The following ATP9B variants were observed in gnomAD, a reference collection of about 807,000 sequenced individuals.
ATP9B encodes the protein probable phospholipid-transporting ATPase IIB.
In ATP9B, 110 loss-of-function variants were observed where a neutral mutation model predicts 146.1. That is an observed-to-expected ratio of 0.75 (90% confidence interval 0.65 to 0.88). The LOEUF (loss-of-function observed/expected upper bound fraction) is 0.88, where lower values mean the gene tolerates loss of function less well. ATP9B is among the 40% of genes least tolerant of loss of function. The pLI is 0.00. For synonymous variants in ATP9B, 604 were observed against 569.7 expected (o/e 1.06, Z -0.86); for missense variants, 1,499 against 1,496.4 (o/e 1.00, Z -0.03).
chr18:79,172,984 A>T (rs1169110163), intron 7 of ATP9B, among the ~76,000 whole-genome samples: 1 of 152,142 alleles, frequency 6.6e-6, no homozygotes, highest in African/African-American at 2.4e-5. Context: ...TTTGTTTTAC[A>T]TTCCCACCAG....
rs113628470 is a variant in ATP9B at position 79,359,494 on chromosome 18, G to A, written c.3012+32G>A. ...GCCTCAGGCAAGCTGTCTGCCTCAC[G>A]ACTAGCACCCACATCTAGCATTTTA... On this transcript the variant is annotated intron_variant, in intron 26 of 29. Transcript: ENST00000426216. 2,011 of 1,501,524 alleles carry A rather than the reference G, an allele frequency of 1.3e-3. 12 individuals are homozygous for A. In the African/African-American group the frequency reaches 0.023, roughly 17 times the overall value. The allele number at this position is 1,501,524 out of a possible 1,614,324, so 93.0% of individuals were successfully genotyped here.
chr18:79,128,248 C>T (rs1014338389), intron 5 of ATP9B, among the ~76,000 whole-genome samples: 15 of 151,750 alleles, frequency 9.9e-5, no homozygotes, highest in African/African-American at 2.7e-4. Flanking sequence ...TTAGTCGATA[C>T]GGGGTTTCAC....
chr18:79,204,505 T>C (rs2095517038), intron 9 of ATP9B, among the ~76,000 whole-genome samples: 1 of 152,248 alleles, frequency 6.6e-6, no homozygotes, highest in Non-Finnish European at 1.5e-5. Flanking sequence ...TCTCAGGTTT[T>C]CCACTTAAAA....
intron 26 of ATP9B, among the ~76,000 whole-genome samples, chr18:79,371,942 C>T (rs943404746): frequency 2.0e-5 from 3 of 152,244 alleles, no homozygotes; most frequent in South Asian, 2.1e-4. Flanking sequence ...CGGAACTTCT[C>T]GAGTCTCCTC....
At chr18:79,097,206 C>T (rs1311503362) in intron 2 of ATP9B, among the ~76,000 whole-genome samples, 2 of 151,166 alleles carry the variant, frequency 1.3e-5, no homozygotes, top group East Asian at 3.9e-4. Flanking sequence ...ATAGCTAATG[C>T]ATGATAGAAT....
intron 14 of ATP9B, among the ~76,000 whole-genome samples, chr18:79,306,109 C>T (rs573914030): frequency 6.6e-6 from 1 of 152,320 alleles, no homozygotes; most frequent in East Asian, 1.9e-4. Context: ...CTTCATTAGA[C>T]AGCACTGTAA....
intron 2 of ATP9B, among the ~76,000 whole-genome samples, chr18:79,107,143 G>A (rs991103274): frequency 1.3e-5 from 2 of 152,166 alleles, no homozygotes; most frequent in Admixed American, 6.5e-5. Flanking sequence ...AAATGCTGAA[G>A]AGAAATGTGC....
chr18:79,104,343 G>A (rs1230372068), intron 2 of ATP9B, among the ~76,000 whole-genome samples: 2 of 152,132 alleles, frequency 1.3e-5, no homozygotes, highest in East Asian at 3.8e-4. Context: ...GGCACTGATG[G>A]GTGCAGTGCT....
chr18:79,291,739 A>G (rs1199263161), intron 13 of ATP9B, among the ~76,000 whole-genome samples: 1 of 152,238 alleles, frequency 6.6e-6, no homozygotes, highest in Non-Finnish European at 1.5e-5. Context: ...TGATAACATG[A>G]TTGATTAGCA....
intron 11 of ATP9B, among the ~76,000 whole-genome samples, chr18:79,224,259 C>A (rs1384570785): frequency 6.6e-6 from 1 of 152,138 alleles, no homozygotes; most frequent in Non-Finnish European, 1.5e-5. Context: ...AATGTATGGA[C>A]CTTGTGATAA....
intron 2 of ATP9B, among the ~76,000 whole-genome samples, chr18:79,108,644 A>G (rs1411365388): frequency 6.6e-6 from 1 of 152,186 alleles, no homozygotes; most frequent in African/African-American, 2.4e-5. Flanking sequence ...GCAGAGCATC[A>G]GCCCCGTGAG....
intron 17 of ATP9B, among the ~76,000 whole-genome samples, chr18:79,331,929 A>C (rs559310533): frequency 6.6e-6 from 1 of 152,272 alleles, no homozygotes; most frequent in African/African-American, 2.4e-5. Context: ...TGACCCTTGA[A>C]CAACACGAGG....
chr18:79,347,230 C>T (rs2096894726), intron 23 of ATP9B, among the ~76,000 whole-genome samples: 1 of 152,238 alleles, frequency 6.6e-6, no homozygotes, highest in Admixed American at 6.5e-5. Context: ...CAGACACACC[C>T]AGAAAGACCT....
intron 6 of ATP9B, among the ~76,000 whole-genome samples, chr18:79,153,473 T>C (rs1375099295): frequency 1.3e-5 from 2 of 152,170 alleles, no homozygotes; most frequent in Non-Finnish European, 2.9e-5. Context: ...TTAAGTGTTT[T>C]GTGTATGATG....
chr18:79,142,664 G>A (rs887060284), intron 5 of ATP9B, among the ~76,000 whole-genome samples: 7 of 152,138 alleles, frequency 4.6e-5, no homozygotes, highest in African/African-American at 1.7e-4. Context: ...TGTTTCACAC[G>A]TAATTCTAAA....
chr18:79,073,818 T>A (rs2072275971), intron 1 of ATP9B, among the ~76,000 whole-genome samples: 1 of 152,258 alleles, frequency 6.6e-6, no homozygotes, highest in South Asian at 2.1e-4. Flanking sequence ...AATATTTGAT[T>A]GTGGAAGCAT....
chr18:79,320,385 G>A lies in ATP9B; in HGVS notation c.1774-8756G>A, dbSNP rs149890358. On this transcript the variant is annotated intron_variant, in intron 15 of 29. Coordinates refer to ENST00000426216, the MANE Select transcript of ATP9B (RefSeq NM_198531.5). Reference sequence around the variant, plus strand: ...GGTCAGCAGGGCCTTTTGGAGACCTGGGGTTGAGCCGAAAGTAAGACTGCC... The same window carrying A: ...GGTCAGCAGGGCCTTTTGGAGACCTAGGGTTGAGCCGAAAGTAAGACTGCC... Among the ~76,000 whole-genome samples, 365 of 152,262 alleles carry A rather than the reference G, an allele frequency of 2.4e-3. 1 individual carries two copies. The highest frequency in any genetic ancestry group is 6.4e-3 in the South Asian group (31 of 4,822).
At chr18:79,230,876 C>T (rs563195274) in intron 11 of ATP9B, among the ~76,000 whole-genome samples, 1 of 152,288 alleles carries the variant, frequency 6.6e-6, no homozygotes, top group East Asian at 1.9e-4. Flanking sequence ...TTATAGTCAA[C>T]TGATATACAA....
chr18:79,276,795 A>G (rs2096314555), intron 12 of ATP9B, among the ~76,000 whole-genome samples: 1 of 152,264 alleles, frequency 6.6e-6, no homozygotes, highest in South Asian at 2.1e-4. Flanking sequence ...CTAAAATCCA[A>G]TATTATGTAT....
Sources: allele counts gnomAD v4.1 joint callset (sites outside exome capture counted in the v4.1 genomes callset), GRCh38; gene constraint gnomAD v4.1.1; transcripts MANE v1.5; gene names NCBI Gene and HGNC (gene_info 2026-07-23, HGNC 2026-07-21).